Variants in PPP1R9A observed in about 807,000 individuals in gnomAD.
The protein encoded by PPP1R9A is neurabin-1.
Under a neutral mutation model 141.9 loss-of-function variants are expected in PPP1R9A, and 59 were observed. The ratio of observed to expected loss-of-function variants is 0.42; its 90% CI spans 0.34 to 0.52. The LOEUF (loss-of-function observed/expected upper bound fraction) is 0.52. PPP1R9A is among the 20% of genes least tolerant of loss of function. The pLI, the probability that PPP1R9A is intolerant of heterozygous loss-of-function variation, is 0.10. For missense variants in PPP1R9A, 1,444 were observed against 1,611.9 expected (o/e 0.90, Z 1.78); for synonymous variants, 500 against 569.7 (o/e 0.88, Z 1.74).
chr7:95,099,569 A>C (rs902870824), intron 2 of PPP1R9A, among the ~76,000 whole-genome samples: 2 of 152,238 alleles, frequency 1.3e-5, no homozygotes, highest in African/African-American at 4.8e-5. Context: ...GAATTTGTCC[A>C]AATTCAGGAT....
chr7:95,271,721 G>T (rs941311353), intron 14 of PPP1R9A, among the ~76,000 whole-genome samples: 1 of 152,124 alleles, frequency 6.6e-6, no homozygotes, highest in Non-Finnish European at 1.5e-5. Flanking sequence ...TGAAAACCAG[G>T]TTGCCACAGC....
intron 2 of PPP1R9A, among the ~76,000 whole-genome samples, chr7:95,103,872 A>G (rs1261630704): frequency 2.0e-5 from 3 of 152,234 alleles, no homozygotes; most frequent in South Asian, 2.1e-4. Context: ...TAATTTGTGT[A>G]AAGTGCTATA....
chr7:95,207,413 A>C (rs1434415978), intron 7 of PPP1R9A, among the ~76,000 whole-genome samples: 1 of 152,184 alleles, frequency 6.6e-6, no homozygotes, highest in Non-Finnish European at 1.5e-5. Flanking sequence ...GAAGTAATAA[A>C]ACATAACTTT....
intron 6 of PPP1R9A, among the ~76,000 whole-genome samples, chr7:95,201,718 A>G (rs1789604207): frequency 6.6e-6 from 1 of 152,180 alleles, no homozygotes; most frequent in Admixed American, 6.5e-5. Flanking sequence ...ATAATTGAAC[A>G]ATTTATTGAT....
chr7:94,932,991 A>G (rs1286807319), intron 2 of PPP1R9A, among the ~76,000 whole-genome samples: 1 of 152,046 alleles, frequency 6.6e-6, no homozygotes, highest in African/African-American at 2.4e-5. Flanking sequence ...AAGCACACAC[A>G]GATATAGATT....
chr7:94,979,312 A>G (rs1004758432), intron 2 of PPP1R9A, among the ~76,000 whole-genome samples: 4 of 152,254 alleles, frequency 2.6e-5, no homozygotes, highest in African/African-American at 9.6e-5. Flanking sequence ...TCAGTTTATT[A>G]ATAGCCAGGT....
chr7:95,217,807 A>G (rs889171828), intron 7 of PPP1R9A, among the ~76,000 whole-genome samples: 10 of 152,136 alleles, frequency 6.6e-5, no homozygotes, highest in African/African-American at 2.4e-4. Flanking sequence ...CTGTGGGATC[A>G]GTGGTGATAT....
rs191053200 is a variant in PPP1R9A, at chr7:95,123,787, A to G, written c.1649+2955A>G. ...AAATTACTTAATTTTCATGTTATCT[A>G]CATCGCAGGTTGTGGTAAGCATTAA... On this transcript the variant is annotated intron_variant, in intron 4 of 19. Transcript: ENST00000433360. Among the ~76,000 whole-genome samples, 429 of 152,342 alleles carry G rather than the reference A, an allele frequency of 2.8e-3. 4 individuals carry two copies. The highest frequency in any genetic ancestry group is 9.9e-3 in the African/African-American group (411 of 41,580).
At chr7:94,955,813 A>T (rs928493246) in intron 2 of PPP1R9A, among the ~76,000 whole-genome samples, 1 of 152,122 alleles carries the variant, frequency 6.6e-6, no homozygotes, top group Non-Finnish European at 1.5e-5. Context: ...GTCAGTCTTG[A>T]TAGAGACTTT....
chr7:95,049,611 TATA>T (rs1810512228), intron 2 of PPP1R9A, among the ~76,000 whole-genome samples: 1 of 152,158 alleles, frequency 6.6e-6, no homozygotes, highest in Non-Finnish European at 1.5e-5. Flanking sequence ...TTGATATATG[TATA>T]ATGACATATA....
At chr7:95,069,022 C>T (rs1467910997) in intron 2 of PPP1R9A, among the ~76,000 whole-genome samples, 1 of 152,214 alleles carries the variant, frequency 6.6e-6, no homozygotes, top group African/African-American at 2.4e-5. Context: ...CTCCTGTCTA[C>T]TTTAAACCAT....
At chr7:95,121,181 A>G (rs541943514) in intron 4 of PPP1R9A, among the ~76,000 whole-genome samples, 1 of 152,216 alleles carries the variant, frequency 6.6e-6, no homozygotes, top group Non-Finnish European at 1.5e-5. Context: ...GAAAGAAATG[A>G]TAATAGTTCT....
intron 8 of PPP1R9A, among the ~76,000 whole-genome samples, chr7:95,240,506 A>G (rs1382125226): frequency 2.0e-5 from 3 of 150,464 alleles, no homozygotes; most frequent in Non-Finnish European, 4.4e-5. Flanking sequence ...TTGTTTCTTA[A>G]ATTTGTCTTG....
chr7:94,996,921 G>C (rs1802266246), intron 2 of PPP1R9A, among the ~76,000 whole-genome samples: 2 of 150,084 alleles, frequency 1.3e-5, no homozygotes, highest in East Asian at 4.0e-4. Flanking sequence ...CCCTGCCCCA[G>C]CCGCCCAAGT....
intron 2 of PPP1R9A, among the ~76,000 whole-genome samples, chr7:94,973,281 A>G (rs1228520129): frequency 6.6e-6 from 1 of 152,204 alleles, no homozygotes; most frequent in East Asian, 1.9e-4. Flanking sequence ...ACTAGAGTTG[A>G]AAAGGGCTGA....
intron 7 of PPP1R9A, 24 bp downstream of exon 7, chr7:95,203,754 T>A: frequency 6.9e-7 from 1 of 1,457,612 alleles, no homozygotes; most frequent in Non-Finnish European, 9.3e-7. Flanking sequence ...TTTAAAGTAA[T>A]GCTTACCTGT....
intron 2 of PPP1R9A, among the ~76,000 whole-genome samples, chr7:95,049,431 G>A (rs1810483332): frequency 1.3e-5 from 2 of 152,174 alleles, no homozygotes; most frequent in African/African-American, 4.8e-5. Flanking sequence ...GGAAAGTAAA[G>A]AGAGGCTCCA....
chr7:95,278,686 A>G (rs1803631225), intron 16 of PPP1R9A, among the ~76,000 whole-genome samples: 1 of 152,230 alleles, frequency 6.6e-6, no homozygotes, highest in African/African-American at 2.4e-5. Flanking sequence ...TAAAAAGTAA[A>G]TTGAATAGGG....
intron 19 of PPP1R9A, 54 bp downstream of exon 19, chr7:95,288,772 A>G: frequency 6.4e-7 from 1 of 1,568,814 alleles, no homozygotes; most frequent in Non-Finnish European, 8.6e-7. Context: ...TATTACTCAT[A>G]TCACCTAAAA....
Sources: gnomAD v4.1 joint callset for allele counts (sites outside exome capture counted in the v4.1 genomes callset) on GRCh38, gnomAD v4.1.1 for gene constraint, MANE v1.5 for transcripts, NCBI Gene and HGNC (gene_info 2026-07-23, HGNC 2026-07-21) for gene names.